Variants in RIN2 observed in about 807,000 individuals in gnomAD.
RIN2 encodes RAB5 interacting protein 2.
Under a neutral mutation model 78.0 loss-of-function variants are expected in RIN2, and 36 were observed. The ratio of observed to expected loss-of-function variants is 0.46; its 90% CI spans 0.35 to 0.61. RIN2 has a LOEUF of 0.61. Ranked by LOEUF, RIN2 falls within the 20% of genes least tolerant of loss-of-function variation. RIN2 has a pLI of 0.00. For synonymous variants in RIN2, 466 were observed against 466.8 expected (o/e 1.00, Z 0.02); for missense variants, 1,087 against 1,159.7 (o/e 0.94, Z 0.91).
intron 3 of RIN2, among the ~76,000 whole-genome samples, chr20:19,922,403 C>T (rs1600810563): frequency 6.6e-6 from 1 of 152,226 alleles, no homozygotes; most frequent in East Asian, 1.9e-4. Context: ...GTGTGAGAGG[C>T]CCCCTCTGGC....
intron 2 of RIN2, among the ~76,000 whole-genome samples, chr20:19,883,043 C>A (rs2038073353): frequency 6.6e-6 from 1 of 152,102 alleles, no homozygotes; most frequent in Admixed American, 6.6e-5. Flanking sequence ...AACCCTTACC[C>A]CATCCATTGT....
At position 19,762,698 on chromosome 20, in the gene RIN2, T is replaced by C. The variant is rs1381083801; in HGVS notation, c.-163+4371T>C. ...TCAAGTGTGTGTGTGAGCATGCACA[T>C]GTCATCGTGCTGTGCGAACAAGGGA... On this transcript the variant is annotated intron_variant, in intron 1 of 12. Coordinates refer to ENST00000255006, the MANE Select transcript of RIN2 (RefSeq NM_018993.4). Among the ~76,000 whole-genome samples the C allele has an allele frequency of 2.6e-5, 4 of 152,284 alleles. No individual in the cohort carries two copies. The East Asian group carries it at 7.7e-4, about 29-fold the overall frequency.
chr20:19,934,607 G>A (rs16981330), intron 3 of RIN2: 30 of 981,722 alleles, frequency 3.1e-5, no homozygotes, highest in Middle Eastern at 1.0e-3. Flanking sequence ...TTTTGATGTC[G>A]TCAGAAATCA....
chr20:19,968,656 C>T (rs6035493), intron 7 of RIN2, among the ~76,000 whole-genome samples: 12,993 of 152,206 alleles, frequency 0.085, 1,244 homozygotes, highest in African/African-American at 0.23. Flanking sequence ...AGTCATGTGA[C>T]GTTTAAGCTC....
At chr20:19,858,907 C>G (rs1328411871) in intron 2 of RIN2, among the ~76,000 whole-genome samples, 3 of 152,092 alleles carry the variant, frequency 2.0e-5, no homozygotes, top group African/African-American at 2.4e-5. Flanking sequence ...GCAGGGGGCT[C>G]GGGACATGCA....
chr20:19,850,057 T>C (rs1156724472), intron 2 of RIN2, among the ~76,000 whole-genome samples: 1 of 152,218 alleles, frequency 6.6e-6, no homozygotes, highest in Non-Finnish European at 1.5e-5. Context: ...ATGTCCATGC[T>C]GGGCTGCCGG....
rs145541083 is a variant in RIN2 at position 19,908,348 on chromosome 20, G to A, written c.57+18690G>A. Among the ~76,000 whole-genome samples, 581 of 152,152 alleles carry A rather than the reference G, an allele frequency of 3.8e-3. 5 individuals carry two copies. Among genetic ancestry groups the A allele is most frequent in the African/African-American group, 0.013 (528 of 41,506 alleles). ...CTACTAAAAATACAAAAAATTAGCC[G>A]GACGTGGTGGCGGGCGCCTGCAGTC... is the stretch of plus-strand genomic sequence containing the variant. On this transcript the variant is annotated intron_variant, in intron 3 of 12. Transcript: ENST00000255006.
At chr20:19,868,421 C>T (rs1408540312) in intron 2 of RIN2, among the ~76,000 whole-genome samples, 4 of 152,170 alleles carry the variant, frequency 2.6e-5, no homozygotes, top group Admixed American at 6.5e-5. Flanking sequence ...TATTGGACAA[C>T]GTTTTATTTT....
At chr20:19,837,000 C>T (rs545684988) in intron 2 of RIN2, among the ~76,000 whole-genome samples, 16 of 152,250 alleles carry the variant, frequency 1.1e-4, no homozygotes, top group African/African-American at 3.9e-4. Context: ...TATTAACTAC[C>T]ATTTATTGTA....
chr20:19,856,664 C>A (rs1199332307), intron 2 of RIN2, among the ~76,000 whole-genome samples: 4 of 151,852 alleles, frequency 2.6e-5, no homozygotes, highest in African/African-American at 9.7e-5. Flanking sequence ...GAGATATTGC[C>A]ATGGTTTAAT....
At chr20:19,933,256 G>A (rs1161119641) in intron 3 of RIN2, among the ~76,000 whole-genome samples, 1 of 152,204 alleles carries the variant, frequency 6.6e-6, no homozygotes, top group African/African-American at 2.4e-5. Context: ...GACTCAAGGT[G>A]GTGAATACCA....
In RIN2 at chr20:19,935,185, C is replaced by T. The variant is rs536964726; in HGVS notation, c.144C>T (p.Pro48=). Residue 48 remains proline, a synonymous_variant, in exon 4 of 13, where the codon CCC becomes CCT. Transcript: ENST00000255006. The part of the protein sequence containing the change: ...TDVNLENGLE[P]AETHSMVRHK... ...TCAACCTGGAAAATGGCCTGGAACC[C>T]GCTGAAACCCACAGGTGACCAGAGA... 2.4e-5 allele frequency: 39 copies of T among 1,599,190 alleles called. No individual in the cohort carries two copies. The highest frequency in any genetic ancestry group is 5.2e-5 in the Admixed American group (3 of 57,926).
intron 2 of RIN2, among the ~76,000 whole-genome samples, chr20:19,852,984 T>G (rs1158267367): frequency 2.6e-5 from 4 of 151,530 alleles, no homozygotes; most frequent in South Asian, 2.1e-4. Context: ...GCTGCACCCA[T>G]TAACTCGTCA....
At chr20:19,851,047 AAGGAGAAAGAAAGGAAGG>A (rs2036957862) in intron 2 of RIN2, among the ~76,000 whole-genome samples, 1 of 67,540 alleles carries the variant, frequency 1.5e-5, no homozygotes, top group African/African-American at 5.0e-5. Flanking sequence ...GGAAGGAAGG[AAGGAGAAAGAAAGGAAGG>A]AAGGAAGGAA....
intron 11 of RIN2, 96 bp downstream of exon 11, chr20:19,992,395 T>G: frequency 8.3e-7 from 1 of 1,203,416 alleles, no homozygotes; most frequent in Non-Finnish European, 1.1e-6. Flanking sequence ...ATTAATCATT[T>G]TACAGTGAAT....
At chr20:19,803,420 A>C (rs143361541) in intron 2 of RIN2, among the ~76,000 whole-genome samples, 236 of 152,312 alleles carry the variant, frequency 1.5e-3, no homozygotes, top group African/African-American at 5.4e-3. Context: ...CAGAATAGAG[A>C]TCTCAGAAAT....
At chr20:19,825,659 A>G (rs1191055820) in intron 2 of RIN2, among the ~76,000 whole-genome samples, 2 of 152,218 alleles carry the variant, frequency 1.3e-5, no homozygotes, top group African/African-American at 2.4e-5. Context: ...ACTTCCACCA[A>G]TACGGATACT....
At chr20:19,817,140 C>T (rs79455893) in intron 2 of RIN2, among the ~76,000 whole-genome samples, 3,712 of 152,264 alleles carry the variant, frequency 0.024, 159 homozygotes, top group African/African-American at 0.084. Context: ...CCAGAAGTTG[C>T]AACACGTGTG....
rs949880956 is a variant in RIN2 at position 19,786,102 on chromosome 20, A to G, written c.-162-13520A>G. ...TTGTATTTTTCTAAACATAGCCACAATGTCATCACCCATCCCACACCTTCT... is the reference window on the plus strand; with the variant it reads ...TTGTATTTTTCTAAACATAGCCACAGTGTCATCACCCATCCCACACCTTCT... On this transcript the variant is annotated intron_variant, in intron 1 of 12. Transcript: ENST00000255006. Among the ~76,000 whole-genome samples the G allele has an allele frequency of 2.6e-5, 4 of 152,230 alleles. No individual in the cohort carries two copies. The East Asian group carries it at 7.7e-4, about 29-fold the overall frequency.
Sources: allele counts gnomAD v4.1 joint callset (sites outside exome capture counted in the v4.1 genomes callset), GRCh38; gene constraint gnomAD v4.1.1; transcripts MANE v1.5; gene names NCBI Gene and HGNC (gene_info 2026-07-23, HGNC 2026-07-21).